The following KCNQ2 variants were observed in gnomAD, a reference collection of about 807,000 sequenced individuals.
The protein encoded by KCNQ2 is potassium voltage-gated channel subfamily KQT member 2.
In KCNQ2, 14 loss-of-function variants were observed where a neutral mutation model predicts 84.8. The ratio of observed to expected loss-of-function variants is 0.17; its 90% CI spans 0.11 to 0.26. The LOEUF (loss-of-function observed/expected upper bound fraction) is 0.26. Among genes scored for constraint, KCNQ2 ranks in the 10% least tolerant of loss-of-function variants. The pLI, the probability that KCNQ2 is intolerant of heterozygous loss-of-function variation, is 1.00. For synonymous variants in KCNQ2, 599 were observed against 554.1 expected, an observed-to-expected ratio of 1.08 and a Z score of -1.14; for missense variants, 788 against 1,254.0, an observed-to-expected ratio of 0.63 and a Z score of 5.61.
At chr20:63,431,523 G>A (rs149918426) in intron 8 of KCNQ2, among the ~76,000 whole-genome samples, 154 bp from the exon 9 acceptor site, 200 of 152,248 alleles carry the variant, frequency 1.3e-3, no homozygotes, top group African/African-American at 4.3e-3. Flanking sequence ...TCCCTGCCCT[G>A]GGCTGAGAGA....
At chr20:63,441,841 G>A (rs1048628521) in intron 5 of KCNQ2, among the ~76,000 whole-genome samples, 32 of 152,232 alleles carry the variant, frequency 2.1e-4, no homozygotes, top group Non-Finnish European at 4.0e-4. Context: ...CTTCCCCGCA[G>A]GGCTGAGCCC....
Position 63,446,741 on chromosome 20 carries a change from G to C in KCNQ2, c.387+6C>G. On this transcript the variant is annotated splice_donor_region_variant and intron_variant, in intron 2 of 16. Transcript: ENST00000359125. The surrounding 1 kb of genome is among the most constrained non-coding windows in gnomAD (Gnocchi z 5.5). Reference sequence around the variant, plus strand: ...CTTCCAGCCCCCGCCCTCCCTCGGGGCTCACCAGGATGTAGAGGGCCCCCT... The same window carrying C: ...CTTCCAGCCCCCGCCCTCCCTCGGGCCTCACCAGGATGTAGAGGGCCCCCT... 1 of 1,611,524 alleles carries C rather than the reference G, an allele frequency of 6.2e-7. No individual in the cohort carries two copies. Among genetic ancestry groups the C allele is most frequent in the Non-Finnish European group, 8.5e-7 (1 of 1,178,214 alleles).
rs190688814 is a variant in KCNQ2 at position 63,425,067 on chromosome 20, C to T, written c.1218-861G>A. 2.5e-4 allele frequency among the ~76,000 whole-genome samples: 38 copies of T among 152,026 alleles called. No individual in the cohort carries two copies. The highest frequency in any genetic ancestry group is 3.4e-3 in the Middle Eastern group (1 of 294). ...TCCTTGGCTTGTGGCTGCACCGCCCCGTCTCTGCCTCCGTCTCTACACGAC... is the reference window on the plus strand; with the variant it reads ...TCCTTGGCTTGTGGCTGCACCGCCCTGTCTCTGCCTCCGTCTCTACACGAC... On this transcript the variant is annotated intron_variant, in intron 10 of 16. Coordinates refer to ENST00000359125, the MANE Select transcript of KCNQ2 (RefSeq NM_172107.4). The surrounding 1 kb of genome is among the most constrained non-coding windows in gnomAD (Gnocchi z 5.5).
chr20:63,442,698 C>T (rs1366049371), intron 4 of KCNQ2, among the ~76,000 whole-genome samples, 167 bp from the exon 5 acceptor site: 11 of 100,356 alleles, frequency 1.1e-4, no homozygotes, highest in South Asian at 4.6e-4. Flanking sequence ...ACCATCACCA[C>T]CATCACCATC....
At position 63,445,649 on chromosome 20, in the gene KCNQ2, A is replaced by AGCTGTGGGGGGTGGCCC. The variant is rs1568942463; in HGVS notation, c.388-286_388-285insGGGCCACCCCCCACAGC. The AGCTGTGGGGGGTGGCCC allele has an allele frequency of 1.9e-3, 408 of 211,146 alleles. 21 individuals are homozygous for AGCTGTGGGGGGTGGCCC. Among genetic ancestry groups the AGCTGTGGGGGGTGGCCC allele is most frequent in the South Asian group, 0.012 (391 of 31,298 alleles). 13.1% of individuals were successfully genotyped at this position (211,146 alleles called of 1,614,324 possible). On this transcript the variant is annotated intron_variant, in intron 2 of 16. Transcript: ENST00000359125. The stretch of plus-strand genomic sequence containing the variant: ...GGGACTCTATCTGGGCTAGGGGACC[A>AGCTGTGGGGGGTGGCCC]TGTCTGAGCTGGCAGGGCTGCCCTG...
chr20:63,409,295 AAG>A (rs1333730570), intron 15 of KCNQ2, among the ~76,000 whole-genome samples: 9 of 152,368 alleles, frequency 5.9e-5, no homozygotes, highest in East Asian at 3.9e-4. Flanking sequence ...TCATGTGTGC[AAG>A]AGTGTGCACG....
At chr20:63,455,481 G>A (rs1051850889) in intron 1 of KCNQ2, among the ~76,000 whole-genome samples, 2 of 152,204 alleles carry the variant, frequency 1.3e-5, no homozygotes, top group African/African-American at 4.8e-5. Flanking sequence ...CAGATCACAA[G>A]AGAGGCCATG....
intron 1 of KCNQ2, among the ~76,000 whole-genome samples, chr20:63,450,438 G>A (rs1185819108): frequency 8.4e-6 from 1 of 118,718 alleles, no homozygotes; most frequent in Non-Finnish European, 1.8e-5. Flanking sequence ...CCCAGGTGTG[G>A]GACGCTGTGG....
Position 63,444,916 on chromosome 20 carries a change from G to A in KCNQ2, c.515-82C>T, listed in dbSNP as rs2081368037. 4 of 1,430,386 alleles carry A rather than the reference G, an allele frequency of 2.8e-6. No individual in the cohort carries two copies. The Admixed American group carries it at 6.9e-5, about 25-fold the overall frequency. 88.6% of individuals were successfully genotyped at this position (1,430,386 alleles called of 1,614,324 possible). ...AGAAAACTCCCCACCCCGCGTTCCA[G>A]GAGGATGTGCAGAGGGGCGGGAAGG... On this transcript the variant is annotated intron_variant, in intron 3 of 16. Transcript: ENST00000359125.
intron 1 of KCNQ2, among the ~76,000 whole-genome samples, chr20:63,457,533 C>T (rs1478444668): frequency 6.6e-6 from 1 of 152,240 alleles, no homozygotes; most frequent in African/African-American, 2.4e-5. Context: ...CTTCCAACAT[C>T]CTGGGCAGGG....
rs1344327815 is a variant in KCNQ2 at position 63,446,976 on chromosome 20, C to T, written c.297-139G>A. 2 of 758,562 alleles carry T rather than the reference C, an allele frequency of 2.6e-6. No homozygotes were observed. Among genetic ancestry groups the T allele is most frequent in the South Asian group, 1.5e-5 (1 of 65,606 alleles). 47.0% of individuals were successfully genotyped at this position (758,562 alleles called of 1,614,324 possible). A position where few individuals can be genotyped will look rare whatever the true frequency, so the allele number is the denominator to read the frequency against. The stretch of plus-strand genomic sequence containing the variant: ...GCCGCGTCTCCAGAACGCAGGACCC[C>T]ACTCCCCACCCACCCCACCAGAGCT... On this transcript the variant is annotated intron_variant, in intron 1 of 16. Coordinates refer to ENST00000359125, the MANE Select transcript of KCNQ2 (RefSeq NM_172107.4). The surrounding 1 kb of genome is among the most constrained non-coding windows in gnomAD (Gnocchi z 5.5).
At chr20:63,434,169 G>A (rs886164282) in intron 7 of KCNQ2, 28 of 526,964 alleles carry the variant, frequency 5.3e-5, no homozygotes, top group Non-Finnish European at 9.4e-5. Flanking sequence ...GGCCCTGAGC[G>A]AGCTCGCAGG....
In KCNQ2 at chr20:63,445,279, C is replaced by T. The variant is rs2145779118; in HGVS notation, c.473G>A (p.Arg158Lys). The T allele has an allele frequency of 6.2e-7, 1 of 1,613,898 alleles. No homozygotes were observed. Among genetic ancestry groups the T allele is most frequent in the Non-Finnish European group, 8.5e-7 (1 of 1,180,028 alleles). ...TTTCCGGGCAAACTTGAGCCGCCCCCTCCAGCCACGGTACCGGCAGCAGCA... is the reference window on the plus strand; with the variant it reads ...TTTCCGGGCAAACTTGAGCCGCCCCTTCCAGCCACGGTACCGGCAGCAGCA... ...AGCCCRYRGWRGRLKFARKPF... is the reference protein window; with the variant it reads ...AGCCCRYRGWKGRLKFARKPF... The change falls in exon 3 of 17, where the codon AGG (arginine) becomes AAG (lysine). Residue 158 changes from arginine (R) to lysine (K), a missense_variant. Transcript: ENST00000359125.
chr20:63,423,140 G>A (rs2080524423), intron 11 of KCNQ2, among the ~76,000 whole-genome samples: 1 of 152,188 alleles, frequency 6.6e-6, no homozygotes, highest in East Asian at 1.9e-4. Context: ...ATGAGCCCCT[G>A]GTGGTTTTCT....
In KCNQ2 at chr20:63,408,359, C is replaced by A; in HGVS notation, c.1887+54G>T. 6.3e-7 allele frequency: 1 copy of A among 1,595,168 alleles called. No homozygotes were observed. Among genetic ancestry groups the A allele is most frequent in the Non-Finnish European group, 8.5e-7 (1 of 1,175,790 alleles). On this transcript the variant is annotated intron_variant, in intron 16 of 16. Transcript: ENST00000359125. The surrounding 1 kb of genome is among the most constrained non-coding windows in gnomAD (Gnocchi z 5.0). ...TGAAGCCCACACTGCCACAGGTTGA[C>A]GGCAGGCACCACAGCCCTCCAGCCC...
chr20:63,441,191 G>A (rs1051616921), intron 5 of KCNQ2, among the ~76,000 whole-genome samples: 3 of 148,874 alleles, frequency 2.0e-5, no homozygotes, highest in East Asian at 2.1e-4. Flanking sequence ...CCTGGCCTGC[G>A]GGGGAGGTGA....
chr20:63,427,952 C>T (rs1020763024), intron 10 of KCNQ2, among the ~76,000 whole-genome samples: 9 of 152,190 alleles, frequency 5.9e-5, no homozygotes, highest in African/African-American at 2.2e-4. Context: ...CAACCTACCT[C>T]GACAGCCGGC....
intron 7 of KCNQ2, among the ~76,000 whole-genome samples, chr20:63,435,396 CAA>C (rs34121251): frequency 1.3e-4 from 19 of 146,564 alleles, no homozygotes; most frequent in African/African-American, 4.1e-4. Flanking sequence ...TCAACAACAA[CAA>C]AAAAAAAAAG....
chr20:63,443,324 A>T (rs1600777335), intron 4 of KCNQ2, among the ~76,000 whole-genome samples: 1 of 115,952 alleles, frequency 8.6e-6, no homozygotes, highest in African/African-American at 3.3e-5. Context: ...CACCACCACC[A>T]CCATCACCAT....
Sources: allele counts gnomAD v4.1 joint callset (sites outside exome capture counted in the v4.1 genomes callset), GRCh38; gene constraint gnomAD v4.1.1; non-coding constraint Gnocchi (gnomAD v3.1); transcripts MANE v1.5; gene names NCBI Gene and HGNC (gene_info 2026-07-23, HGNC 2026-07-21).